Variants in SH3PXD2A observed in about 807,000 individuals in gnomAD.
The protein encoded by SH3PXD2A is SH3 and PX domain-containing protein 2A.
In SH3PXD2A, 32 loss-of-function variants were observed where a neutral mutation model predicts 115.2. The observed-to-expected ratio is 0.28, with a 90% CI of 0.21 to 0.37. SH3PXD2A has a LOEUF of 0.37. SH3PXD2A is among the 10% of genes least tolerant of loss of function. The probability of loss-of-function intolerance (pLI) is 1.00; values close to 1 mark genes in which losing one functional copy is unlikely to be tolerated. For missense variants in SH3PXD2A, 1,328 were observed against 1,498.7 expected (o/e 0.89, Z 1.88); for synonymous variants, 610 against 629.1 (o/e 0.97, Z 0.45).
At chr10:103,696,614 T>G (rs2037827943) in intron 5 of SH3PXD2A, among the ~76,000 whole-genome samples, 1 of 152,166 alleles carries the variant, frequency 6.6e-6, no homozygotes, top group African/African-American at 2.4e-5. Context: ...GGTCACAGTC[T>G]AGCCTGCTTC....
chr10:103,730,120 C>T (rs1021916063), intron 4 of SH3PXD2A, among the ~76,000 whole-genome samples: 5 of 152,286 alleles, frequency 3.3e-5, no homozygotes, highest in East Asian at 1.9e-4. Flanking sequence ...GTAATGCCTG[C>T]GTCAGGACAA....
chr10:103,796,694 G>A lies in SH3PXD2A; in HGVS notation c.153+4588C>T, dbSNP rs903631170. ...ATCCACTCTTACCCGGAGCCAGCCTGGACTCTCATCTTTCTACTTCCACCC... is the reference window on the plus strand; with the variant it reads ...ATCCACTCTTACCCGGAGCCAGCCTAGACTCTCATCTTTCTACTTCCACCC... On this transcript the variant is annotated intron_variant, in intron 2 of 14. Transcript: ENST00000369774. 2.6e-5 allele frequency among the ~76,000 whole-genome samples: 4 copies of A among 152,236 alleles called. No individual in the cohort carries two copies. In the South Asian group the frequency reaches 6.2e-4, roughly 24 times the overall value.
chr10:103,721,777 C>T (rs762385848), intron 5 of SH3PXD2A, among the ~76,000 whole-genome samples: 6 of 152,138 alleles, frequency 3.9e-5, no homozygotes, highest in Non-Finnish European at 8.8e-5. Context: ...GGCTCAGAGC[C>T]TTCCCTTGCC....
intron 3 of SH3PXD2A, among the ~76,000 whole-genome samples, chr10:103,758,537 C>G (rs1011462841): frequency 1.3e-5 from 2 of 152,252 alleles, no homozygotes; most frequent in Non-Finnish European, 2.9e-5. Context: ...ACTTTGTTCT[C>G]AGTCATATCA....
chr10:103,761,490 G>T (rs2038699234), intron 3 of SH3PXD2A, among the ~76,000 whole-genome samples: 1 of 152,120 alleles, frequency 6.6e-6, no homozygotes, highest in South Asian at 2.1e-4. Context: ...GAAAGCCTTG[G>T]GACTATCTTA....
chr10:103,850,459 G>C (rs1279276785), intron 1 of SH3PXD2A, among the ~76,000 whole-genome samples: 1 of 152,182 alleles, frequency 6.6e-6, no homozygotes, highest in African/African-American at 2.4e-5. Context: ...TCCCATGCTT[G>C]TGCATGTGTA....
chr10:103,755,499 G>T, intron 3 of SH3PXD2A: 1 of 152,360 alleles, frequency 6.6e-6, no homozygotes, highest in South Asian at 2.0e-4. Flanking sequence ...TCTTGAGCTT[G>T]AGCAATCCTC....
rs1013002290 is a variant in SH3PXD2A, at chr10:103,756,155, G to C, written c.229+10939C>G. On this transcript the variant is annotated intron_variant, in intron 3 of 14. Transcript: ENST00000369774. The surrounding 1 kb of genome is among the most constrained non-coding windows in gnomAD (Gnocchi z 4.4). ...GGGAACTGTGGAGGTGAAGGGGGAG[G>C]AGGTATTTTCAGCGCCCAGAACGAT... Among the ~76,000 whole-genome samples the C allele has an allele frequency of 6.6e-6, 1 of 152,180 alleles. No individual in the cohort carries two copies. The highest frequency in any genetic ancestry group is 2.4e-5 in the African/African-American group (1 of 41,430).
At chr10:103,755,380 T>C (rs979401409) in intron 3 of SH3PXD2A, 5 of 152,226 alleles carry the variant, frequency 3.3e-5, no homozygotes, top group African/African-American at 1.2e-4. Context: ...ATTAAACTGA[T>C]TAAAACTGGC....
At chr10:103,719,877 G>C (rs2038160668) in intron 5 of SH3PXD2A, among the ~76,000 whole-genome samples, 1 of 151,834 alleles carries the variant, frequency 6.6e-6, no homozygotes, top group Non-Finnish European at 1.5e-5. Context: ...GTGCCACCAC[G>C]CCTGGCTAAT....
intron 5 of SH3PXD2A, among the ~76,000 whole-genome samples, chr10:103,702,596 C>CCTGTGTGTGTGCGTGTGTGTGTGT: frequency 6.8e-6 from 1 of 147,448 alleles, no homozygotes; most frequent in Non-Finnish European, 1.5e-5. Flanking sequence ...TGTGTGTGTG[C>CCTGTGTGTGTGCGTGTGTGTGTGT]GTGTGTGTGT....
chr10:103,798,907 C>T lies in SH3PXD2A; in HGVS notation c.153+2375G>A, dbSNP rs539003150. ...AGTGAGTGGGTCTCCAGCCCCTAGACGCCCCCCAGCCATGCAGCCCAACAT... is the reference window on the plus strand; with the variant it reads ...AGTGAGTGGGTCTCCAGCCCCTAGATGCCCCCCAGCCATGCAGCCCAACAT... On this transcript the variant is annotated intron_variant, in intron 2 of 14. Coordinates refer to ENST00000369774, the MANE Select transcript of SH3PXD2A (RefSeq NM_001394015.1). Among the ~76,000 whole-genome samples the T allele has an allele frequency of 9.2e-5, 14 of 152,306 alleles. No homozygotes were observed. In the East Asian group the frequency reaches 1.2e-3, roughly 13 times the overall value.
chr10:103,640,703 G>A (rs2036942867), intron 8 of SH3PXD2A, among the ~76,000 whole-genome samples: 1 of 152,204 alleles, frequency 6.6e-6, no homozygotes, highest in African/African-American at 2.4e-5. Flanking sequence ...CCTCATGCTG[G>A]TCGTGGTTAA....
intron 6 of SH3PXD2A, among the ~76,000 whole-genome samples, chr10:103,670,890 C>T (rs1215116610): frequency 8.5e-5 from 13 of 152,332 alleles, no homozygotes; most frequent in Non-Finnish European, 1.3e-4. Context: ...GCCTGGTGCC[C>T]ACATCTTGCT....
Position 103,605,895 on chromosome 10 carries a change from G to C in SH3PXD2A, c.1331C>G (p.Pro444Arg). ...SSLGFQLPKP[P>R]EPPSVEVEYY... The stretch of plus-strand genomic sequence containing the variant: ...CTCCACCTCAACAGAAGGGGGCTCT[G>C]GTGGCTTTGGCAGTTGGAACCCCTA... Residue 444 changes from proline (P) to arginine (R), a missense_variant, in exon 14 of 15, where the codon CCA (proline) becomes CGA (arginine). Pro to Arg is a moderately radical substitution (Grantham distance 103). Around this residue, in one of 5 missense-constraint regions of SH3PXD2A, gnomAD observed 509 missense variants for 628.3 expected, o/e 0.81. Transcript: ENST00000369774. 1.2e-6 allele frequency: 2 copies of C among 1,614,008 alleles called. No homozygotes were observed. Among genetic ancestry groups the C allele is most frequent in the Non-Finnish European group, 8.5e-7 (1 of 1,179,876 alleles).
rs913807267 is a variant in SH3PXD2A, at chr10:103,599,695, T to C, written c.*2121A>G. On this transcript the variant is annotated 3_prime_UTR_variant, in exon 15 of 15. Transcript: ENST00000369774. ...ATTAATTAAAAAATAATGAACCACT[T>C]CTTTATCATTATTGTTCAAATAAGT... is the stretch of plus-strand genomic sequence containing the variant. 6 of 152,652 alleles carry C rather than the reference T, an allele frequency of 3.9e-5. No individual in the cohort carries two copies. Among genetic ancestry groups the C allele is most frequent in the African/African-American group, 1.4e-4 (6 of 41,466 alleles). The allele number at this position is 152,652 out of a possible 1,614,324, so 9.5% of individuals were successfully genotyped here.
intron 3 of SH3PXD2A, among the ~76,000 whole-genome samples, chr10:103,743,704 G>C (rs2038468761): frequency 6.6e-6 from 1 of 152,244 alleles, no homozygotes; most frequent in Middle Eastern, 3.4e-3. Flanking sequence ...AAAGCAAGCA[G>C]ACACCAAGAG....
intron 8 of SH3PXD2A, among the ~76,000 whole-genome samples, chr10:103,644,359 C>G (rs1053844131): frequency 1.3e-5 from 2 of 152,010 alleles, no homozygotes; most frequent in African/African-American, 2.4e-5. Context: ...GTGGGCAGAT[C>G]GTTTGAGTCC....
rs917714769 is a variant in SH3PXD2A at position 103,839,687 on chromosome 10, G to C, written c.72+15508C>G. On this transcript the variant is annotated intron_variant, in intron 1 of 14. Coordinates refer to ENST00000369774, the MANE Select transcript of SH3PXD2A (RefSeq NM_001394015.1). ...AGGCTGGGATTCCCGTCAGGCAGTC[G>C]GCCTCCCACTGGCTGCCTCAACATA... 2.0e-5 allele frequency among the ~76,000 whole-genome samples: 3 copies of C among 151,726 alleles called. No individual in the cohort carries two copies. In the East Asian group the frequency reaches 5.8e-4, roughly 29 times the overall value.
Sources: allele counts gnomAD v4.1 joint callset (sites outside exome capture counted in the v4.1 genomes callset), GRCh38; gene constraint gnomAD v4.1.1; regional missense constraint gnomAD v4.1.1; non-coding constraint Gnocchi (gnomAD v3.1); transcripts MANE v1.5; gene names NCBI Gene and HGNC (gene_info 2026-07-23, HGNC 2026-07-21).